CCDC90B: variants seen among roughly 807,000 people sequenced by gnomAD.
The protein encoded by CCDC90B is coiled-coil domain-containing protein 90B, mitochondrial.
In CCDC90B, 24 loss-of-function variants were observed where a neutral mutation model predicts 37.0. The ratio of observed to expected loss-of-function variants is 0.65; its 90% CI spans 0.47 to 0.91. The LOEUF is 0.91. Ranked by LOEUF, CCDC90B falls within the 40% of genes least tolerant of loss-of-function variation. CCDC90B has a pLI of 0.00. For missense variants in CCDC90B, 319 were observed against 299.0 expected, an observed-to-expected ratio of 1.07 and a Z score of -0.49; for synonymous variants, 113 against 101.1, an observed-to-expected ratio of 1.12 and a Z score of -0.71.
chr11:83,264,805 G>A (rs946356943), intron 8 of CCDC90B, among the ~76,000 whole-genome samples: 1 of 151,914 alleles, frequency 6.6e-6, no homozygotes, highest in African/African-American at 2.4e-5. Flanking sequence ...CATGTCCTTT[G>A]TAGGGACATG....
chr11:83,278,656 TAGACAG>T, intron 3 of CCDC90B, 64 bp downstream of exon 3: 1 of 1,027,182 alleles, frequency 9.7e-7, no homozygotes, highest in East Asian at 2.4e-5. Flanking sequence ...GGTCAGTAGG[TAGACAG>T]AGACATAGTT....
intron 3 of CCDC90B, among the ~76,000 whole-genome samples, chr11:83,276,051 A>G (rs1163868922): frequency 6.6e-6 from 1 of 152,208 alleles, no homozygotes; most frequent in Non-Finnish European, 1.5e-5. Context: ...ATAATACATA[A>G]AAGTTTTTAA....
rs367689665 is a variant in CCDC90B, at chr11:83,265,850, C to G, written c.709+15G>C. 3.3e-6 allele frequency: 5 copies of G among 1,500,058 alleles called. No homozygotes were observed. The South Asian group carries it at 5.7e-5, about 17-fold the overall frequency. The allele number at this position is 1,500,058 out of a possible 1,614,324, so 92.9% of individuals were successfully genotyped here. On this transcript the variant is annotated intron_variant, in intron 8 of 8. Transcript: ENST00000529689. ...AAAATTAGATGACAGCAATTTCTTT[C>G]TCTGACAGTCTTACCTGCAAGATAA...
chr11:83,276,585 AG>A (rs1865043426), intron 3 of CCDC90B, among the ~76,000 whole-genome samples: 2 of 152,110 alleles, frequency 1.3e-5, no homozygotes, highest in Non-Finnish European at 2.9e-5. Flanking sequence ...TCTGACCTCA[AG>A]TGATCTGCTC....
chr11:83,267,777 T>G (rs1002896746), intron 7 of CCDC90B, among the ~76,000 whole-genome samples: 10 of 152,092 alleles, frequency 6.6e-5, no homozygotes, highest in Admixed American at 3.3e-4. Context: ...AGATACTCCT[T>G]AAGAAGAGCA....
Position 83,285,988 on chromosome 11 carries a change from C to T in CCDC90B, c.-16G>A. 2.5e-6 allele frequency: 4 copies of T among 1,602,916 alleles called. No homozygotes were observed. Among genetic ancestry groups the T allele is most frequent in the East Asian group, 2.3e-5 (1 of 44,284 alleles). On this transcript the variant is annotated 5_prime_UTR_variant, in exon 1 of 9. Transcript: ENST00000529689. ...GACTATTCATGTCCTCAGAGTTTTC[C>T]GGTGGGAGGGAGGCGGAAGACGGGG...
chr11:83,285,833 G>A, intron 1 of CCDC90B, 40 bp downstream of exon 1: 1 of 1,585,702 alleles, frequency 6.3e-7, no homozygotes, highest in Non-Finnish European at 8.6e-7. Flanking sequence ...CGTCTCCCTA[G>A]AGAGCACTCA....
intron 7 of CCDC90B, among the ~76,000 whole-genome samples, chr11:83,271,111 A>G (rs1449654968): frequency 6.6e-6 from 1 of 152,244 alleles, no homozygotes; most frequent in Admixed American, 6.5e-5. Flanking sequence ...TACACCTTAT[A>G]CAAAAATTAA....
At chr11:83,285,233 TGG>T (rs1200743121) in intron 1 of CCDC90B, 1 of 1,282,486 alleles carries the variant, frequency 7.8e-7, no homozygotes, top group Admixed American at 2.4e-5. Flanking sequence ...GTTAAAAAAC[TGG>T]GGGTGAAAAA....
At chr11:83,275,164 T>C (rs567515866) in intron 3 of CCDC90B, among the ~76,000 whole-genome samples, 9 of 152,230 alleles carry the variant, frequency 5.9e-5, no homozygotes, top group South Asian at 2.1e-4. Flanking sequence ...TAAAACAAAA[T>C]AGATGTATAG....
At chr11:83,262,300 T>C (rs962558172) in intron 8 of CCDC90B, among the ~76,000 whole-genome samples, 3 of 152,158 alleles carry the variant, frequency 2.0e-5, no homozygotes, top group Non-Finnish European at 2.9e-5. Flanking sequence ...ATGAAATCTT[T>C]CTTATATTAA....
intron 2 of CCDC90B, among the ~76,000 whole-genome samples, chr11:83,279,292 A>C (rs945436069): frequency 6.6e-6 from 1 of 152,062 alleles, no homozygotes; most frequent in Non-Finnish European, 1.5e-5. Context: ...AAAAAAACAA[A>C]AAAAAAACAA....
intron 1 of CCDC90B, among the ~76,000 whole-genome samples, chr11:83,280,513 A>G (rs148452196): frequency 5.3e-5 from 8 of 152,352 alleles, no homozygotes; most frequent in Non-Finnish European, 1.0e-4. Context: ...AAGAGTCAGT[A>G]TAAACTTGTA....
intron 7 of CCDC90B, among the ~76,000 whole-genome samples, chr11:83,268,702 G>T (rs1864451734): frequency 1.3e-5 from 2 of 152,148 alleles, no homozygotes; most frequent in African/African-American, 4.8e-5. Context: ...AGATCAACGA[G>T]ACAGAAGGTT....
intron 8 of CCDC90B, among the ~76,000 whole-genome samples, chr11:83,262,673 T>A (rs892911672): frequency 1.3e-5 from 2 of 152,292 alleles, no homozygotes; most frequent in East Asian, 1.9e-4. Context: ...CTTTTATGAA[T>A]AAAGACACAA....
In CCDC90B at chr11:83,273,979, T is replaced by A; in HGVS notation, c.440A>T (p.Glu147Val). Residue 147 changes from glutamate to valine, a missense_variant, in exon 5 of 9, where the codon GAA (glutamate) becomes GTA (valine). Glu to Val is a moderately radical substitution (Grantham distance 121, BLOSUM62 -2). Transcript: ENST00000529689. ...LRAENEKMKI[E>V]LDQVKQQLMH... ...TAGTTGTTGCTTAACTTGGTCTAAT[T>A]CAATTTTCATTTTCTAGGTACAGGA... The A allele has an allele frequency of 6.4e-7, 1 of 1,574,012 alleles. No homozygotes were observed. Among genetic ancestry groups the A allele is most frequent in the Non-Finnish European group, 8.6e-7 (1 of 1,162,070 alleles).
chr11:83,280,170 T>C lies in CCDC90B; in HGVS notation c.191A>G (p.His64Arg), dbSNP rs201485542. 155 of 1,612,606 alleles carry C rather than the reference T, an allele frequency of 9.6e-5. No individual in the cohort carries two copies. Among genetic ancestry groups the C allele is most frequent in the Non-Finnish European group, 1.3e-4 (148 of 1,179,852 alleles). ...LEQRKLTFDT[H>R]ALVQDLETHG... ...AGTTTCCAAGTCCTGAACCAATGCA[T>C]GGGTATCAAAAGTTAATTTCCTTTG... Residue 64 changes from histidine (H) to arginine (R), a missense_variant, in exon 2 of 9, where the codon CAT (histidine) becomes CGT (arginine). By Grantham distance (29) the His-to-Arg change is conservative (BLOSUM62 0). Coordinates refer to ENST00000529689, the MANE Select transcript of CCDC90B (RefSeq NM_021825.5).
rs750041260 is a variant in CCDC90B at position 83,274,744 on chromosome 11, G to C, written c.325-4C>G. On this transcript the variant is annotated splice_region_variant and splice_polypyrimidine_tract_variant and intron_variant, in intron 3 of 8. Coordinates refer to ENST00000529689, the MANE Select transcript of CCDC90B (RefSeq NM_021825.5). ...TTAGCTGTTGTACTGTTATTTCCTA[G>C]AAAACAAAATAAAAATAACCTAGTG... is the stretch of plus-strand genomic sequence containing the variant. The C allele has an allele frequency of 1.9e-6, 3 of 1,571,386 alleles. No individual in the cohort carries two copies. Among genetic ancestry groups the C allele is most frequent in the Admixed American group, 3.5e-5 (2 of 57,750 alleles).
At chr11:83,276,675 T>C (rs1478292055) in intron 3 of CCDC90B, among the ~76,000 whole-genome samples, 1 of 152,164 alleles carries the variant, frequency 6.6e-6, no homozygotes, top group African/African-American at 2.4e-5. Flanking sequence ...GAGCCTCTTT[T>C]TACCTCATTC....
Sources: allele counts gnomAD v4.1 joint callset (sites outside exome capture counted in the v4.1 genomes callset), GRCh38; gene constraint gnomAD v4.1.1; transcripts MANE v1.5; gene names NCBI Gene and HGNC (gene_info 2026-07-23, HGNC 2026-07-21).